The following RBFOX1 variants were observed in gnomAD, a reference collection of about 807,000 sequenced individuals.
RBFOX1 encodes RNA binding fox-1 homolog 1.
Under a neutral mutation model 57.7 loss-of-function variants are expected in RBFOX1, and 8 were observed. The observed-to-expected ratio is 0.14, with a 90% CI of 0.08 to 0.25. The LOEUF is 0.25. RBFOX1 is among the 10% of genes least tolerant of loss of function. RBFOX1 has a pLI of 1.00. For missense variants in RBFOX1, 611 were observed against 548.5 expected, an observed-to-expected ratio of 1.11 and a Z score of -1.14; for synonymous variants, 326 against 222.4, an observed-to-expected ratio of 1.47 and a Z score of -4.15.
At chr16:7,430,984 T>C (rs1303106243) in intron 4 of RBFOX1, among the ~76,000 whole-genome samples, 1 of 152,190 alleles carries the variant, frequency 6.6e-6, no homozygotes, top group Non-Finnish European at 1.5e-5. Flanking sequence ...TACTTGAATC[T>C]ATGTTGTATG....
intron 4 of RBFOX1, among the ~76,000 whole-genome samples, chr16:7,275,635 T>C (rs1156864059): frequency 6.6e-6 from 1 of 150,490 alleles, no homozygotes; most frequent in Non-Finnish European, 1.5e-5. Context: ...TCTGTGCAAA[T>C]GATGAGCTTA....
chr16:7,487,567 C>T (rs908441903), intron 4 of RBFOX1, among the ~76,000 whole-genome samples: 2 of 152,188 alleles, frequency 1.3e-5, no homozygotes, highest in African/African-American at 4.8e-5. Context: ...TCAGAATTCT[C>T]ATCTGCCATC....
intron 4 of RBFOX1, among the ~76,000 whole-genome samples, chr16:7,177,268 C>G (rs1194954814): frequency 6.6e-6 from 1 of 152,054 alleles, no homozygotes; most frequent in Non-Finnish European, 1.5e-5. Flanking sequence ...ATGGATAAGA[C>G]CAAGTTCAAA....
intron 5 of RBFOX1, among the ~76,000 whole-genome samples, chr16:7,563,680 G>C (rs1312409778): frequency 6.6e-6 from 1 of 152,104 alleles, no homozygotes; most frequent in African/African-American, 2.4e-5. Context: ...ATGTTGGCCA[G>C]ACTGGTCTCC....
At chr16:7,038,513 A>T (rs990117622) in intron 3 of RBFOX1, among the ~76,000 whole-genome samples, 19 of 152,172 alleles carry the variant, frequency 1.2e-4, no homozygotes, top group Non-Finnish European at 5.9e-5. Context: ...ATAATAGGCA[A>T]TATGTTTCTT....
At chr16:6,008,350 C>G (rs976217115) in intron 4 of RBFOX1, among the ~76,000 whole-genome samples, 12 of 151,922 alleles carry the variant, frequency 7.9e-5, no homozygotes, top group African/African-American at 2.4e-4. Flanking sequence ...TTAATACATC[C>G]TATGATGAAG....
At chr16:6,868,385 T>C (rs958160203) in intron 3 of RBFOX1, among the ~76,000 whole-genome samples, 3 of 152,142 alleles carry the variant, frequency 2.0e-5, no homozygotes, top group African/African-American at 7.2e-5. Context: ...GAAATTTCTG[T>C]AAGTTTTCTT....
chr16:6,413,705 C>G (rs700326), intron 2 of RBFOX1, among the ~76,000 whole-genome samples: 8,550 of 152,206 alleles, frequency 0.056, 816 homozygotes, highest in African/African-American at 0.19. Context: ...TTTGATGTGA[C>G]TACTGGAAGA....
intron 2 of RBFOX1, among the ~76,000 whole-genome samples, chr16:5,565,612 C>T (rs542594457): frequency 4.8e-5 from 7 of 146,552 alleles, no homozygotes; most frequent in East Asian, 4.0e-4. Context: ...GCAATAAGAG[C>T]GAAACTCTGC....
chr16:6,736,124 A>C (rs1218228383), intron 3 of RBFOX1, among the ~76,000 whole-genome samples: 1 of 152,166 alleles, frequency 6.6e-6, no homozygotes, highest in Non-Finnish European at 1.5e-5. Context: ...CATAAATACA[A>C]TTTATGTCCA....
intron 3 of RBFOX1, among the ~76,000 whole-genome samples, chr16:6,868,522 AG>A (rs1469618444): frequency 2.0e-5 from 3 of 151,900 alleles, no homozygotes; most frequent in Non-Finnish European, 4.4e-5. Flanking sequence ...CCCAGGCTGG[AG>A]TGCGGTAGTA....
chr16:5,319,519 A>C (rs1053336050), intron 1 of RBFOX1, among the ~76,000 whole-genome samples: 2 of 152,190 alleles, frequency 1.3e-5, no homozygotes, highest in Admixed American at 6.5e-5. Flanking sequence ...CATCTCCAAG[A>C]ATCCTTTACT....
At chr16:6,276,376 C>G (rs2075802979) in intron 1 of RBFOX1, among the ~76,000 whole-genome samples, 1 of 152,060 alleles carries the variant, frequency 6.6e-6, no homozygotes. Context: ...ATTCTGTTGC[C>G]CAAGCTGGAG....
At chr16:7,155,959 G>C (rs1045139859) in intron 4 of RBFOX1, among the ~76,000 whole-genome samples, 1 of 151,208 alleles carries the variant, frequency 6.6e-6, no homozygotes, top group African/African-American at 2.4e-5. Flanking sequence ...TTTTCCAGGA[G>C]CCAAAATAAC....
At chr16:6,852,378 G>C (rs1339740306) in intron 3 of RBFOX1, among the ~76,000 whole-genome samples, 1 of 152,118 alleles carries the variant, frequency 6.6e-6, no homozygotes, top group African/African-American at 2.4e-5. Context: ...GTGAGCATCA[G>C]TTCAGTCACA....
intron 3 of RBFOX1, among the ~76,000 whole-genome samples, chr16:6,679,540 A>C (rs753616459): frequency 6.6e-6 from 1 of 152,186 alleles, no homozygotes; most frequent in Non-Finnish European, 1.5e-5. Context: ...ATGGGGAAAC[A>C]TGTACAGTCA....
intron 1 of RBFOX1, among the ~76,000 whole-genome samples, chr16:5,304,159 A>G (rs1448860538): frequency 6.6e-6 from 1 of 152,220 alleles, no homozygotes; most frequent in Non-Finnish European, 1.5e-5. Context: ...GCTACCAAGG[A>G]AGGCTTCATC....
In RBFOX1 at chr16:7,278,954, C is replaced by CT. The variant is rs527762066; in HGVS notation, c.27+226864dup. ...TGATTGTTCGATTGCTTTCTTCTGG[C>CT]TTTTTTTTCCTTCTTAAAAAATATT... On this transcript the variant is annotated intron_variant, in intron 4 of 15. Coordinates refer to ENST00000550418, the MANE Select transcript of RBFOX1 (RefSeq NM_018723.4). Among the ~76,000 whole-genome samples the CT allele has an allele frequency of 4.0e-5, 6 of 151,744 alleles. No homozygotes were observed. The South Asian group carries it at 8.3e-4, about 21-fold the overall frequency.
chr16:6,369,016 G>C (rs575288686), intron 2 of RBFOX1, among the ~76,000 whole-genome samples: 38 of 152,228 alleles, frequency 2.5e-4, no homozygotes, highest in African/African-American at 9.1e-4. Flanking sequence ...AAACATGCTT[G>C]TGTAAAATTG....
Sources: gnomAD v4.1 joint callset for allele counts (sites outside exome capture counted in the v4.1 genomes callset) on GRCh38, gnomAD v4.1.1 for gene constraint, MANE v1.5 for transcripts, NCBI Gene and HGNC (gene_info 2026-07-23, HGNC 2026-07-21) for gene names.